ZFR: variants seen among roughly 807,000 people sequenced by gnomAD.
ZFR encodes zinc finger RNA binding protein.
In ZFR, 19 loss-of-function variants were observed where a neutral mutation model predicts 130.7. The ratio of observed to expected loss-of-function variants is 0.15; its 90% CI spans 0.10 to 0.21. The LOEUF is 0.21. Among genes scored for constraint, ZFR ranks in the 10% least tolerant of loss-of-function variants. The pLI, the probability that ZFR is intolerant of heterozygous loss-of-function variation, is 1.00. For missense variants in ZFR, 872 were observed against 1,321.5 expected (o/e 0.66, Z 5.27); for synonymous variants, 466 against 456.9 (o/e 1.02, Z -0.25).
chr5:32,379,562 G>T (rs1191361461), intron 16 of ZFR: 1 of 262,610 alleles, frequency 3.8e-6, no homozygotes, highest in Non-Finnish European at 7.3e-6. Flanking sequence ...TCTAGGGACT[G>T]AAAGGTTAAG....
chr5:32,403,046 C>T, intron 8 of ZFR, 60 bp downstream of exon 8: 1 of 1,533,818 alleles, frequency 6.5e-7, no homozygotes, highest in Non-Finnish European at 8.9e-7. Flanking sequence ...GTTAGTGCTG[C>T]AATGGAGAAG....
chr5:32,417,610 T>C (rs746857215), intron 4 of ZFR, 38 bp downstream of exon 4: 10 of 1,605,884 alleles, frequency 6.2e-6, no homozygotes, highest in Non-Finnish European at 8.5e-6. Context: ...TATACTTCAA[T>C]AGTTTACAAA....
intron 11 of ZFR, among the ~76,000 whole-genome samples, chr5:32,392,949 C>A (rs543473354): frequency 6.6e-6 from 1 of 152,044 alleles, no homozygotes; most frequent in Admixed American, 6.6e-5. Context: ...GAGCCAAGAT[C>A]GTGCCATTGC....
intron 15 of ZFR, among the ~76,000 whole-genome samples, chr5:32,384,562 TTAAG>T (rs1243860047): frequency 6.6e-6 from 1 of 152,186 alleles, no homozygotes; most frequent in African/African-American, 2.4e-5. Context: ...AATTTTAATA[TTAAG>T]TATGTAGTAC....
intron 19 of ZFR, among the ~76,000 whole-genome samples, chr5:32,362,649 C>T (rs1752463780): frequency 6.6e-6 from 1 of 152,308 alleles, no homozygotes; most frequent in African/African-American, 2.4e-5. Flanking sequence ...TTCCTTCTTC[C>T]TATCCTTAAA....
chr5:32,367,710 C>G (rs1278678724), intron 17 of ZFR, among the ~76,000 whole-genome samples: 1 of 152,130 alleles, frequency 6.6e-6, no homozygotes, highest in Non-Finnish European at 1.5e-5. Flanking sequence ...GATGAGATTA[C>G]AGGCGTGAGC....
In ZFR at chr5:32,440,776, TGTG is replaced by T. The variant is rs200317254; in HGVS notation, c.137+3450_137+3452del. On this transcript the variant is annotated intron_variant, in intron 2 of 19. Coordinates refer to ENST00000265069, the MANE Select transcript of ZFR (RefSeq NM_016107.5). ...AATATGCATGAACACAAATGAAAAATGTGGTAACTAATCTACAAGTTACTAGTA... is the reference window on the plus strand; with the variant it reads ...AATATGCATGAACACAAATGAAAAATGTAACTAATCTACAAGTTACTAGTA... Among the ~76,000 whole-genome samples, 6 of 151,784 alleles carry T rather than the reference TGTG, an allele frequency of 4.0e-5. No homozygotes were observed. In the East Asian group the frequency reaches 1.2e-3, roughly 29 times the overall value.
At chr5:32,377,539 T>C (rs1039933401) in intron 17 of ZFR, among the ~76,000 whole-genome samples, 5 of 151,802 alleles carry the variant, frequency 3.3e-5, no homozygotes, top group African/African-American at 1.2e-4. Flanking sequence ...GATGAAAAAC[T>C]GGAGAACACA....
At chr5:32,361,404 AAG>A (rs1752427707) in intron 19 of ZFR, among the ~76,000 whole-genome samples, 1 of 152,200 alleles carries the variant, frequency 6.6e-6, no homozygotes, top group Admixed American at 6.5e-5. Context: ...CTTAAGTTAT[AAG>A]ACTGTTAACT....
chr5:32,435,981 T>C (rs1754322966), intron 2 of ZFR, among the ~76,000 whole-genome samples: 1 of 152,136 alleles, frequency 6.6e-6, no homozygotes, highest in Non-Finnish European at 1.5e-5. Context: ...CACCAGTAAC[T>C]TGATAACTGT....
intron 2 of ZFR, among the ~76,000 whole-genome samples, chr5:32,432,034 C>G (rs1383873278): frequency 6.6e-6 from 1 of 151,342 alleles, no homozygotes; most frequent in Non-Finnish European, 1.5e-5. Flanking sequence ...CTTTGTCACC[C>G]AGGCTGGAGT....
chr5:32,368,939 T>C (rs1033562000), intron 17 of ZFR, among the ~76,000 whole-genome samples: 2 of 149,270 alleles, frequency 1.3e-5, no homozygotes, highest in Non-Finnish European at 3.0e-5. Flanking sequence ...CATAGTCCAG[T>C]TGACATGGAT....
At chr5:32,392,914 A>C (rs1399358956) in intron 11 of ZFR, among the ~76,000 whole-genome samples, 3 of 152,164 alleles carry the variant, frequency 2.0e-5, no homozygotes, top group African/African-American at 7.2e-5. Context: ...AGAATCACTT[A>C]AACTCAGGAG....
chr5:32,362,351 G>A (rs552308002), intron 19 of ZFR, among the ~76,000 whole-genome samples: 50 of 152,132 alleles, frequency 3.3e-4, no homozygotes, highest in African/African-American at 1.2e-3. Context: ...GACATATAGT[G>A]GCATACAAGA....
chr5:32,356,743 A>G (rs973507935), intron 19 of ZFR, among the ~76,000 whole-genome samples: 1 of 152,064 alleles, frequency 6.6e-6, no homozygotes, highest in Non-Finnish European at 1.5e-5. Context: ...TTACTGTATT[A>G]CAATGAATGC....
intron 15 of ZFR, among the ~76,000 whole-genome samples, chr5:32,385,111 T>A (rs919291163): frequency 6.6e-6 from 1 of 152,106 alleles, no homozygotes; most frequent in Admixed American, 6.6e-5. Context: ...ACTCTTGTCT[T>A]TTTTGTAAGA....
intron 19 of ZFR, among the ~76,000 whole-genome samples, chr5:32,357,111 T>C (rs1752332404): frequency 6.6e-6 from 1 of 151,468 alleles, no homozygotes; most frequent in Non-Finnish European, 1.5e-5. Context: ...GCCTCCCGAG[T>C]AGCCAGGAAC....
Position 32,380,104 on chromosome 5 carries a change from C to T in ZFR, c.2710G>A (p.Ala904Thr). ...AACCACTTAGCGTGGCGTAGAGCAGCCAGAGCGTCAAGGCATTTTTGCCTG... is the reference window on the plus strand; with the variant it reads ...AACCACTTAGCGTGGCGTAGAGCAGTCAGAGCGTCAAGGCATTTTTGCCTG... ...LDRQKCLDAL[A>T]ALRHAKWFQA... Residue 904 changes from alanine (A) to threonine (T), a missense_variant, in exon 16 of 20, where the codon GCT becomes ACT. This residue lies in a region of ZFR where 158 missense variants were observed against 264.0 expected (regional missense o/e 0.60). Coordinates refer to ENST00000265069, the MANE Select transcript of ZFR (RefSeq NM_016107.5). The T allele has an allele frequency of 6.2e-7, 1 of 1,614,048 alleles. No homozygotes were observed. The highest frequency in any genetic ancestry group is 8.5e-7 in the Non-Finnish European group (1 of 1,179,940).
Position 32,379,188 on chromosome 5 carries a change from G to A in ZFR, c.2762C>T (p.Ser921Phe). 1.2e-6 allele frequency: 2 copies of A among 1,613,906 alleles called. No individual in the cohort carries two copies. Among genetic ancestry groups the A allele is most frequent in the Non-Finnish European group, 1.7e-6 (2 of 1,179,926 alleles). Reference sequence around the variant, plus strand: ...AAGAATGCGTATGATAATCACACAGGACTGCAGACCATTAGCTCTAGCCTT... The same window carrying A: ...AAGAATGCGTATGATAATCACACAGAACTGCAGACCATTAGCTCTAGCCTT... ...WFQARANGLQ[S>F]CVIIIRILRD... is the part of the protein sequence containing the mutation. The change falls in exon 17 of 20, where the codon TCC (serine) becomes TTC (phenylalanine). Residue 921 changes from serine to phenylalanine, a missense_variant. By Grantham distance (155) the Ser-to-Phe change is radical. This residue lies in a region of ZFR where 158 missense variants were observed against 264.0 expected (regional missense o/e 0.60). Transcript: ENST00000265069.
Sources: gnomAD v4.1 joint callset for allele counts (sites outside exome capture counted in the v4.1 genomes callset) on GRCh38, gnomAD v4.1.1 for gene constraint, gnomAD v4.1.1 regional missense constraint, MANE v1.5 for transcripts, NCBI Gene and HGNC (gene_info 2026-07-23, HGNC 2026-07-21) for gene names.